Variants in ZNF385A observed in about 807,000 individuals in gnomAD.
ZNF385A encodes the protein zinc finger protein 385A.
Under a neutral mutation model 32.1 loss-of-function variants are expected in ZNF385A, and 14 were observed. The ratio of observed to expected loss-of-function variants is 0.44; its 90% CI spans 0.29 to 0.68. The LOEUF (loss-of-function observed/expected upper bound fraction) is 0.68, where lower values mean the gene tolerates loss of function less well. ZNF385A is among the 30% of genes least tolerant of loss of function. ZNF385A has a pLI of 0.14. For synonymous variants in ZNF385A, 197 were observed against 202.7 expected, an observed-to-expected ratio of 0.97 and a Z score of 0.24; for missense variants, 406 against 478.4, an observed-to-expected ratio of 0.85 and a Z score of 1.41.
chr12:54,373,863 G>A (rs554326091), intron 3 of ZNF385A, 110 bp downstream of exon 3: 3 of 1,218,694 alleles, frequency 2.5e-6, no homozygotes, highest in South Asian at 4.4e-5. Flanking sequence ...GGGGGTGGGG[G>A]TATAGGGACT....
chr12:54,386,904 T>A (rs1327390745), upstream of ZNF385A, among the ~76,000 whole-genome samples: 1 of 152,374 alleles, frequency 6.6e-6, no homozygotes, highest in South Asian at 2.1e-4. Flanking sequence ...CATGATTCAA[T>A]GAAGTAGCTG....
chr12:54,386,209 C>CACACACAG (rs1555162842), upstream of ZNF385A, among the ~76,000 whole-genome samples: 30 of 139,858 alleles, frequency 2.1e-4, 1 homozygote, highest in South Asian at 1.4e-3. Flanking sequence ...CACACACACA[C>CACACACAG]AGAGAGACGG....
rs557869114 is a variant in ZNF385A at position 54,370,364 on chromosome 12, A to G, written c.993T>C (p.Ala331=). 1 of 1,508,340 alleles carries G rather than the reference A, an allele frequency of 6.6e-7. No individual in the cohort carries two copies. The highest frequency in any genetic ancestry group is 2.5e-5 in the East Asian group (1 of 40,766). The allele number at this position is 1,508,340 out of a possible 1,614,324, so 93.4% of individuals were successfully genotyped here. A position where few individuals can be genotyped will look rare whatever the true frequency, so the allele number is the denominator to read the frequency against. ...AAGSPLSLRP[A]PAAPLLQGPP... ...GTCCCTGGAGAAGAGGTGCGGCTGG[A>G]GCCGGGCGCAGGGACAGCGGCGAGC... The change falls in exon 7 of 7, where the codon GCT becomes GCC. Residue 331 remains alanine, a synonymous_variant. Transcript: ENST00000394313. This position sits in a 1 kb window ranked among gnomAD's most constrained non-coding sequence, Gnocchi z 5.5.
chr12:54,371,174 CCA>C, intron 4 of ZNF385A, 78 bp from the exon 5 acceptor site: 1 of 1,479,086 alleles, frequency 6.8e-7, no homozygotes, highest in Non-Finnish European at 9.1e-7. Flanking sequence ...ATGCACATTC[CCA>C]GGTACAATAT....
intron 4 of ZNF385A, 61 bp from the exon 5 acceptor site, chr12:54,371,157 C>T (rs529129804): frequency 3.6e-4 from 548 of 1,509,948 alleles, no homozygotes; most frequent in Non-Finnish European, 4.4e-4. Context: ...GCCTACTGGG[C>T]CTCAGAATGC....
intron 2 of ZNF385A, among the ~76,000 whole-genome samples, chr12:54,375,439 G>A (rs1954794735): frequency 6.6e-6 from 1 of 152,150 alleles, no homozygotes; most frequent in Admixed American, 6.5e-5. Flanking sequence ...GTTTAGCAGA[G>A]GCCAAAGAGG....
upstream of ZNF385A, among the ~76,000 whole-genome samples, chr12:54,388,127 G>A (rs1955544273): frequency 6.6e-6 from 1 of 151,798 alleles, no homozygotes; most frequent in South Asian, 2.1e-4. Flanking sequence ...GGCCTGGCTG[G>A]GGCAGGCCAC....
At chr12:54,375,999 A>T in intron 1 of ZNF385A, 45 bp from the exon 2 acceptor site, 1 of 1,473,610 alleles carries the variant, frequency 6.8e-7, no homozygotes, top group Non-Finnish European at 9.5e-7. Flanking sequence ...AGCGCAACTC[A>T]TGTCCAGCAT....
chr12:54,374,833 G>C (rs749897595), intron 2 of ZNF385A, among the ~76,000 whole-genome samples: 7 of 152,140 alleles, frequency 4.6e-5, no homozygotes, highest in Non-Finnish European at 8.8e-5. Context: ...GTGGAGCCAG[G>C]GTTGATAGAC....
intron 4 of ZNF385A, 126 bp downstream of exon 4, chr12:54,371,347 G>A (rs1262397175): frequency 4.5e-6 from 6 of 1,323,272 alleles, no homozygotes; most frequent in Non-Finnish European, 6.2e-6. Context: ...GCTGGAGAAG[G>A]AGACAGGCAG....
upstream of ZNF385A, among the ~76,000 whole-genome samples, chr12:54,387,197 T>C (rs144318897): frequency 1.3e-4 from 20 of 152,226 alleles, no homozygotes; most frequent in Non-Finnish European, 2.1e-4. Flanking sequence ...AGAGGAGGGA[T>C]AGAGGAAAAC....
chr12:54,380,764 A>G (rs974354371), intron 1 of ZNF385A, among the ~76,000 whole-genome samples: 1 of 152,192 alleles, frequency 6.6e-6, no homozygotes, highest in African/African-American at 2.4e-5. Flanking sequence ...CATAATAATC[A>G]TAGCAGCTAA....
chr12:54,371,595 G>A lies in ZNF385A; in HGVS notation c.482C>T (p.Pro161Leu). ...ACCCCCAGGCAAGGAAGCCGGGGCT[G>A]GAGTCCCCCCTTCACCCTTGGTTAC... ...QGVTKGEGGT[P>L]APASLPGGSK... The change falls in exon 4 of 7, where the codon CCA becomes CTA. Residue 161 changes from proline (P) to leucine (L), a missense_variant. Physicochemically the swap from Pro to Leu is moderately conservative, Grantham distance 98. Transcript: ENST00000394313. 1 of 1,613,632 alleles carries A rather than the reference G, an allele frequency of 6.2e-7. No homozygotes were observed. Among genetic ancestry groups the A allele is most frequent in the Non-Finnish European group, 8.5e-7 (1 of 1,179,788 alleles).
In ZNF385A at chr12:54,371,668, G is replaced by A. The variant is rs1248273162; in HGVS notation, c.409C>T (p.Gln137Ter). Residue 137 changes from glutamine to a stop codon, truncating the protein, a stop_gained, in exon 4 of 7, where the codon CAG (glutamine) becomes TAG (stop). Transcript: ENST00000394313. LOFTEE classifies it high-confidence loss of function. ...LGPAPGSPEK[Q>*]PGSPSPPSIP... ...CTGGGAGGGGATGGGGAGCCAGGCT[G>A]TTTCTCTGGGGATCCTGGGGCTGGC... The A allele has an allele frequency of 6.2e-7, 1 of 1,609,516 alleles. No individual in the cohort carries two copies. The highest frequency in any genetic ancestry group is 8.5e-7 in the Non-Finnish European group (1 of 1,178,644).
At chr12:54,390,969 G>A (rs977552938) in intron 1 of ZNF385A, among the ~76,000 whole-genome samples, 5 of 152,094 alleles carry the variant, frequency 3.3e-5, no homozygotes, top group African/African-American at 9.7e-5. Context: ...AATACGCAAT[G>A]TTCTAATTAT....
chr12:54,389,695 G>T (rs1347758305), upstream of ZNF385A, among the ~76,000 whole-genome samples: 7 of 152,204 alleles, frequency 4.6e-5, no homozygotes, highest in Non-Finnish European at 1.5e-5. Context: ...CCAGGGTGGA[G>T]CCAGGGTGCA....
At position 54,384,587 on chromosome 12, in the gene ZNF385A, T is replaced by C. The variant is rs1454618304; in HGVS notation, c.-73A>G. ...TGCCTGAAGGGCAGAGAAAACATTC[T>C]GTGGGGTAGGAAGATTAAAGCTTGG... On this transcript the variant is annotated 5_prime_UTR_variant, in exon 1 of 7. Coordinates refer to ENST00000394313, the MANE Select transcript of ZNF385A (RefSeq NM_015481.3). 1.4e-6 allele frequency: 2 copies of C among 1,440,294 alleles called. No individual in the cohort carries two copies. Among genetic ancestry groups the C allele is most frequent in the Admixed American group, 3.0e-5 (1 of 33,312 alleles). 89.2% of individuals were successfully genotyped at this position (1,440,294 alleles called of 1,614,324 possible). A position where few individuals can be genotyped will look rare whatever the true frequency, so the allele number is the denominator to read the frequency against.
chr12:54,369,964 C>G lies in ZNF385A; in HGVS notation c.*292G>C. On this transcript the variant is annotated 3_prime_UTR_variant, in exon 7 of 7. Transcript: ENST00000394313. The stretch of plus-strand genomic sequence containing the variant: ...GGGGGGAAGGGCTGGATGGACATGG[C>G]TTTTGGGAGGGGGGGTGTCTCCAAG... The G allele has an allele frequency of 9.1e-6, 3 of 330,732 alleles. No individual in the cohort carries two copies. Among genetic ancestry groups the G allele is most frequent in the Non-Finnish European group, 1.1e-5 (2 of 181,368 alleles). The allele number at this position is 330,732 out of a possible 1,614,324, so 20.5% of individuals were successfully genotyped here.
rs1340807609 is a variant in ZNF385A at position 54,373,611 on chromosome 12, CAG to C, written c.361+360_361+361del. ...GGGGAGCCCCAGTAGGGCAGGAACTCAGATATTCTGATTCCCTTCCCTGCCCC... is the reference window on the plus strand; with the variant it reads ...GGGGAGCCCCAGTAGGGCAGGAACTCATATTCTGATTCCCTTCCCTGCCCC... On this transcript the variant is annotated intron_variant, in intron 3 of 6. Coordinates refer to ENST00000394313, the MANE Select transcript of ZNF385A (RefSeq NM_015481.3). Among the ~76,000 whole-genome samples the C allele has an allele frequency of 7.9e-4, 120 of 152,324 alleles. 1 individual carries two copies. The highest frequency in any genetic ancestry group is 2.9e-3 in the African/African-American group (119 of 41,566).
Sources: gnomAD v4.1 joint callset for allele counts (sites outside exome capture counted in the v4.1 genomes callset) on GRCh38, gnomAD v4.1.1 for gene constraint, Gnocchi (gnomAD v3.1) non-coding constraint, MANE v1.5 for transcripts, NCBI Gene and HGNC (gene_info 2026-07-23, HGNC 2026-07-21) for gene names.